WWOX: variants seen among roughly 807,000 people sequenced by gnomAD.
WWOX encodes WW domain-containing oxidoreductase.
A neutral mutation model predicts 46.2 loss-of-function variants in WWOX; 69 were observed. That is an observed-to-expected ratio of 1.49 (90% CI 1.23 to 1.82). WWOX has a LOEUF of 1.82. Ranked by LOEUF, WWOX falls within the 40% of genes most tolerant of loss-of-function variation. The pLI, the probability that WWOX is intolerant of heterozygous loss-of-function variation, is 0.00. For synonymous variants in WWOX, 359 were observed against 202.6 expected, an observed-to-expected ratio of 1.77 and a Z score of -6.56; for missense variants, 919 against 542.6, an observed-to-expected ratio of 1.69 and a Z score of -6.89.
At chr16:78,440,424 A>G (rs888980927) in intron 8 of WWOX, among the ~76,000 whole-genome samples, 2 of 152,142 alleles carry the variant, frequency 1.3e-5, no homozygotes, top group Admixed American at 1.3e-4. Flanking sequence ...GCACACGTCA[A>G]GGAAGCAGTT....
chr16:78,282,649 C>T (rs571448000), intron 5 of WWOX, among the ~76,000 whole-genome samples: 88 of 151,912 alleles, frequency 5.8e-4, no homozygotes, highest in African/African-American at 2.0e-3. Context: ...GGCCTAGGTG[C>T]GCAGATTACA....
intron 8 of WWOX, among the ~76,000 whole-genome samples, chr16:78,660,866 T>C (rs2047193585): frequency 2.0e-5 from 3 of 152,206 alleles, no homozygotes; most frequent in Admixed American, 2.0e-4. Flanking sequence ...ACCTACTTTT[T>C]CCATTTAATA....
chr16:79,055,578 C>T (rs888562665), intron 8 of WWOX, among the ~76,000 whole-genome samples: 7 of 152,156 alleles, frequency 4.6e-5, no homozygotes, highest in Admixed American at 3.3e-4. Context: ...TCCCATTCCC[C>T]ACCTCAAGGC....
chr16:78,493,477 T>C (rs1372023312), intron 8 of WWOX, among the ~76,000 whole-genome samples: 3 of 152,194 alleles, frequency 2.0e-5, no homozygotes. Context: ...TTATTTATGA[T>C]TTTCTTTAAC....
chr16:78,321,304 G>GTA lies in WWOX; in HGVS notation c.517-65548_517-65547dup, dbSNP rs1398524716. 3.2e-4 allele frequency among the ~76,000 whole-genome samples: 24 copies of GTA among 74,430 alleles called. 1 individual carries two copies. The highest frequency in any genetic ancestry group is 2.7e-4 in the Admixed American group (2 of 7,426). The allele number at this position is 74,430 out of a possible 152,430, so 48.8% of individuals were successfully genotyped here. A position where few individuals can be genotyped will look rare whatever the true frequency, so the allele number is the denominator to read the frequency against. ...TATATATATATACGTATATATATACGTATATATATGCGTATATATATACGT... is the reference window on the plus strand; with the variant it reads ...TATATATATATACGTATATATATACGTATATATATATGCGTATATATATACGT... On this transcript the variant is annotated intron_variant, in intron 5 of 8. Transcript: ENST00000566780.
chr16:78,447,434 T>G (rs1032447301), intron 8 of WWOX, among the ~76,000 whole-genome samples: 16 of 152,340 alleles, frequency 1.1e-4, no homozygotes, highest in African/African-American at 3.8e-4. Flanking sequence ...ACACTGAAGT[T>G]TAGAAGTGCT....
At chr16:78,862,969 T>TC (rs1319575587) in intron 8 of WWOX, among the ~76,000 whole-genome samples, 1 of 150,928 alleles carries the variant, frequency 6.6e-6, no homozygotes, top group East Asian at 1.9e-4. Flanking sequence ...GTTTTTTTTT[T>TC]TTTTTTTTGA....
intron 6 of WWOX, among the ~76,000 whole-genome samples, chr16:78,402,048 C>A (rs2082424622): frequency 6.6e-6 from 1 of 152,180 alleles, no homozygotes; most frequent in Non-Finnish European, 1.5e-5. Flanking sequence ...ATTACGTTCA[C>A]AAAGTTACGT....
At chr16:79,068,207 T>C (rs769792991) in intron 8 of WWOX, among the ~76,000 whole-genome samples, 7 of 152,166 alleles carry the variant, frequency 4.6e-5, no homozygotes, top group Non-Finnish European at 1.0e-4. Context: ...CTTATAAAAA[T>C]AGTAGCAACG....
chr16:78,606,008 C>T (rs1567431342), intron 8 of WWOX, among the ~76,000 whole-genome samples: 1 of 152,122 alleles, frequency 6.6e-6, no homozygotes, highest in Non-Finnish European at 1.5e-5. Flanking sequence ...TTCTCGAATG[C>T]CTATTGTCAA....
chr16:78,756,327 A>G (rs1413973356), intron 8 of WWOX, among the ~76,000 whole-genome samples: 1 of 152,158 alleles, frequency 6.6e-6, no homozygotes, highest in Non-Finnish European at 1.5e-5. Flanking sequence ...AAACAAACAA[A>G]AAAAAATCAA....
At chr16:78,680,028 T>C (rs1456289218) in intron 8 of WWOX, among the ~76,000 whole-genome samples, 1 of 152,206 alleles carries the variant, frequency 6.6e-6, no homozygotes, top group Non-Finnish European at 1.5e-5. Flanking sequence ...TTCTTTATTT[T>C]ACCTCTGCAA....
chr16:78,254,030 G>T (rs1162874392), intron 5 of WWOX, among the ~76,000 whole-genome samples: 1 of 151,998 alleles, frequency 6.6e-6, no homozygotes, highest in Non-Finnish European at 1.5e-5. Context: ...CTTTTGAGAG[G>T]TCTCTGTGTG....
At chr16:78,823,799 C>T (rs1317907864) in intron 8 of WWOX, among the ~76,000 whole-genome samples, 1 of 149,000 alleles carries the variant, frequency 6.7e-6, no homozygotes, top group Non-Finnish European at 1.5e-5. Context: ...TTTTTTAAGA[C>T]AGAATCTTGT....
intron 8 of WWOX, chr16:78,896,349 C>T (rs938790723): frequency 6.6e-6 from 1 of 151,960 alleles, no homozygotes; most frequent in Non-Finnish European, 1.5e-5. Context: ...TTGGTGTTTA[C>T]AAAGTTATCA....
intron 8 of WWOX, among the ~76,000 whole-genome samples, chr16:78,562,825 C>G (rs2044470690): frequency 6.6e-6 from 1 of 152,122 alleles, no homozygotes; most frequent in African/African-American, 2.4e-5. Context: ...AAAGCATGAG[C>G]CCCTCCCTGG....
chr16:78,891,686 T>C (rs2044593614), intron 8 of WWOX: 1 of 152,234 alleles, frequency 6.6e-6, no homozygotes, highest in African/African-American at 2.4e-5. Flanking sequence ...AGCTGTCTGT[T>C]TGCTCTAACA....
In WWOX at chr16:78,620,840, T is replaced by G. The variant is rs564068156; in HGVS notation, c.1056+188088T>G. Among the ~76,000 whole-genome samples the G allele has an allele frequency of 4.6e-5, 7 of 152,246 alleles. No individual in the cohort carries two copies. The South Asian group carries it at 1.2e-3, about 27-fold the overall frequency. On this transcript the variant is annotated intron_variant, in intron 8 of 8. Coordinates refer to ENST00000566780, the MANE Select transcript of WWOX (RefSeq NM_016373.4). The stretch of plus-strand genomic sequence containing the variant: ...TTTTGGATATGGATTTCTTCCTCAG[T>G]TTATTTCTTCTTTCATTTTTTCATG...
chr16:78,668,376 A>T (rs2047381938), intron 8 of WWOX, among the ~76,000 whole-genome samples: 1 of 152,216 alleles, frequency 6.6e-6, no homozygotes, highest in Non-Finnish European at 1.5e-5. Context: ...TTCCGTAAGT[A>T]CTTTGAGGGC....
Sources: allele counts gnomAD v4.1 joint callset (sites outside exome capture counted in the v4.1 genomes callset), GRCh38; gene constraint gnomAD v4.1.1; transcripts MANE v1.5; gene names NCBI Gene and HGNC (gene_info 2026-07-23, HGNC 2026-07-21).